The following ATP13A5 variants were observed in gnomAD, a reference collection of about 807,000 sequenced individuals.
ATP13A5 encodes the protein ATPase 13A5.
A neutral mutation model predicts 150.2 loss-of-function variants in ATP13A5; 149 were observed. The ratio of observed to expected loss-of-function variants is 0.99; its 90% CI spans 0.87 to 1.14. The LOEUF is 1.14. ATP13A5 is among the 50% of genes most tolerant of loss of function. The probability of loss-of-function intolerance (pLI) is 0.00; values close to 1 mark genes in which losing one functional copy is unlikely to be tolerated. For synonymous variants in ATP13A5, 497 were observed against 522.2 expected (o/e 0.95, Z 0.66); for missense variants, 1,383 against 1,449.3 (o/e 0.95, Z 0.74).
At chr3:193,278,710 T>G (rs1717340497) in intron 28 of ATP13A5, among the ~76,000 whole-genome samples, 1 of 152,176 alleles carries the variant, frequency 6.6e-6, no homozygotes, top group East Asian at 1.9e-4. Context: ...GGCCTCCTTC[T>G]TCTATGTTCT....
chr3:193,287,659 C>G (rs1442661051), intron 26 of ATP13A5, among the ~76,000 whole-genome samples: 1 of 152,132 alleles, frequency 6.6e-6, no homozygotes, highest in African/African-American at 2.4e-5. Context: ...TTCAAGAGCA[C>G]TGATGGAGAT....
At chr3:193,286,538 C>T (rs1471888182) in intron 26 of ATP13A5, among the ~76,000 whole-genome samples, 1 of 152,094 alleles carries the variant, frequency 6.6e-6, no homozygotes, top group East Asian at 1.9e-4. Context: ...GATCAGTGAT[C>T]TTTGGCGTTT....
intron 5 of ATP13A5, among the ~76,000 whole-genome samples, chr3:193,356,969 C>T (rs563288762): frequency 1.3e-5 from 2 of 152,122 alleles, no homozygotes; most frequent in South Asian, 4.1e-4. Context: ...GCCCACACTA[C>T]CACACCTGGC....
At chr3:193,342,444 AC>A (rs781773084) in intron 9 of ATP13A5, among the ~76,000 whole-genome samples, 3 of 152,218 alleles carry the variant, frequency 2.0e-5, no homozygotes, top group Non-Finnish European at 4.4e-5. Flanking sequence ...GAAGAAGTTA[AC>A]AAAAAAGAAA....
chr3:193,275,260 T>G lies in ATP13A5; in HGVS notation c.3439A>C (p.Arg1147=), dbSNP rs1446570816. 1.2e-6 allele frequency: 2 copies of G among 1,614,076 alleles called. No individual in the cohort carries two copies. Among genetic ancestry groups the G allele is most frequent in the Admixed American group, 3.3e-5 (2 of 60,024 alleles). The change falls in exon 30 of 30, where the codon AGA becomes CGA. Residue 1147 remains arginine (R), a synonymous_variant. Coordinates refer to ENST00000342358, the MANE Select transcript of ATP13A5 (RefSeq NM_198505.4). The part of the protein sequence containing the change: ...QNHELWLLIK[R]EFGFYSKSQY... ...CTTTTAGAGTAGAATCCAAATTCTCTTTTGATCAACAGCCAGAGTTCATGA... is the reference window on the plus strand; with the variant it reads ...CTTTTAGAGTAGAATCCAAATTCTCGTTTGATCAACAGCCAGAGTTCATGA...
intron 1 of ATP13A5, among the ~76,000 whole-genome samples, chr3:193,367,760 T>A (rs1391143549): frequency 6.6e-6 from 1 of 152,158 alleles, no homozygotes; most frequent in African/African-American, 2.4e-5. Context: ...AAAAGACTTA[T>A]ACAATTCTAC....
intron 25 of ATP13A5, among the ~76,000 whole-genome samples, chr3:193,297,138 A>G (rs1439190631): frequency 6.6e-6 from 1 of 152,090 alleles, no homozygotes; most frequent in Non-Finnish European, 1.5e-5. Flanking sequence ...CAGAAAAAAG[A>G]ACACAAAAAT....
chr3:193,319,901 C>A (rs60694146), intron 16 of ATP13A5, among the ~76,000 whole-genome samples: 2,214 of 152,292 alleles, frequency 0.015, 45 homozygotes, highest in Admixed American at 0.052. Context: ...GCTTCAGTGA[C>A]AGTGTTGAGG....
At chr3:193,358,947 A>T (rs1330271497) in intron 5 of ATP13A5, among the ~76,000 whole-genome samples, 7 of 152,122 alleles carry the variant, frequency 4.6e-5, no homozygotes, top group Non-Finnish European at 1.0e-4. Flanking sequence ...CAGTAGAGTT[A>T]AGTGGTTTTA....
chr3:193,374,212 T>C lies in ATP13A5; in HGVS notation c.63+4451A>G, dbSNP rs539426169. Among the ~76,000 whole-genome samples the C allele has an allele frequency of 3.9e-5, 6 of 152,062 alleles. No homozygotes were observed. In the East Asian group the frequency reaches 7.7e-4, roughly 20 times the overall value. On this transcript the variant is annotated intron_variant, in intron 1 of 29. Transcript: ENST00000342358. ...ATGATAAAATAATACCTATCGGTCA[T>C]TGAGAACGTTCCAGCCTTCCTATGG... is the stretch of plus-strand genomic sequence containing the variant.
At chr3:193,298,008 T>C (rs1274695901) in intron 25 of ATP13A5, among the ~76,000 whole-genome samples, 4 of 152,130 alleles carry the variant, frequency 2.6e-5, no homozygotes, top group African/African-American at 7.2e-5. Context: ...ATTCATGTTG[T>C]AATGAGTGCT....
intron 5 of ATP13A5, among the ~76,000 whole-genome samples, chr3:193,360,576 A>G (rs1712965059): frequency 6.6e-6 from 1 of 152,228 alleles, no homozygotes; most frequent in Non-Finnish European, 1.5e-5. Flanking sequence ...CAAATAACAT[A>G]AATATGACCA....
At chr3:193,327,208 G>A (rs992128005) in intron 12 of ATP13A5, 151 bp from the exon 13 acceptor site, 8 of 655,220 alleles carry the variant, frequency 1.2e-5, no homozygotes, top group Non-Finnish European at 2.0e-5. Context: ...TCAGAGAGGA[G>A]TACCCACAAG....
At chr3:193,282,229 T>A (rs1717528382) in intron 27 of ATP13A5, among the ~76,000 whole-genome samples, 1 of 152,066 alleles carries the variant, frequency 6.6e-6, no homozygotes, top group Non-Finnish European at 1.5e-5. Context: ...AGGCAACAAA[T>A]ATATTCTGCT....
At position 193,338,849 on chromosome 3, in the gene ATP13A5, G is replaced by A. The variant is rs148085433; in HGVS notation, c.944-3750C>T. Among the ~76,000 whole-genome samples the A allele has an allele frequency of 9.8e-3, 1,495 of 152,268 alleles. 22 individuals are homozygous for A. The highest frequency in any genetic ancestry group is 0.035 in the African/African-American group (1,437 of 41,538). ...TGTACCTCTGGTAGAATTCGGCAGT[G>A]AATCTGTCTGGTCCTGGACTTTTTT... is the stretch of plus-strand genomic sequence containing the variant. On this transcript the variant is annotated intron_variant, in intron 9 of 29. Transcript: ENST00000342358.
chr3:193,282,580 T>C (rs1049885389), intron 27 of ATP13A5, among the ~76,000 whole-genome samples: 4 of 152,190 alleles, frequency 2.6e-5, no homozygotes, highest in Non-Finnish European at 4.4e-5. Context: ...TTTCACCATG[T>C]TGGCCAGGCT....
At chr3:193,360,186 CT>C (rs1342823363) in intron 5 of ATP13A5, among the ~76,000 whole-genome samples, 2 of 152,218 alleles carry the variant, frequency 1.3e-5, no homozygotes, top group African/African-American at 4.8e-5. Context: ...GGACAATTTA[CT>C]TGCTCTCTTT....
At chr3:193,283,490 GT>G (rs1717590319) in intron 27 of ATP13A5, among the ~76,000 whole-genome samples, 1 of 152,118 alleles carries the variant, frequency 6.6e-6, no homozygotes, top group African/African-American at 2.4e-5. Context: ...ATGAAAATAC[GT>G]TTCTCCTCAC....
chr3:193,323,351 C>T (rs1407559742), intron 14 of ATP13A5: 1 of 152,150 alleles, frequency 6.6e-6, no homozygotes, highest in Non-Finnish European at 1.5e-5. Context: ...GGAAGGTTCC[C>T]AGTTACCAAA....
Sources: gnomAD v4.1 joint callset for allele counts (sites outside exome capture counted in the v4.1 genomes callset) on GRCh38, gnomAD v4.1.1 for gene constraint, MANE v1.5 for transcripts, NCBI Gene and HGNC (gene_info 2026-07-23, HGNC 2026-07-21) for gene names.